The following CPE variants were observed in gnomAD, a reference collection of about 807,000 sequenced individuals.
CPE encodes the protein carbocypeptidase E.
In CPE, 17 loss-of-function variants were observed where a neutral mutation model predicts 53.5. The observed-to-expected ratio is 0.32, with a 90% CI of 0.22 to 0.48. The LOEUF (loss-of-function observed/expected upper bound fraction) is 0.48. Ranked by LOEUF, CPE falls within the 20% of genes least tolerant of loss-of-function variation. CPE has a pLI of 0.99. For synonymous variants in CPE, 226 were observed against 228.8 expected (o/e 0.99, Z 0.11); for missense variants, 524 against 614.7 (o/e 0.85, Z 1.56).
At chr4:165,465,755 GAAGACTAT>G (rs1732086566) in intron 2 of CPE, among the ~76,000 whole-genome samples, 1 of 152,052 alleles carries the variant, frequency 6.6e-6, no homozygotes, top group Non-Finnish European at 1.5e-5. Context: ...ATTTTTTCAT[GAAGACTAT>G]AAGAGGGAGA....
intron 6 of CPE, among the ~76,000 whole-genome samples, chr4:165,492,403 A>G (rs1202476082): frequency 1.3e-5 from 2 of 152,208 alleles, no homozygotes; most frequent in African/African-American, 4.8e-5. Flanking sequence ...GAAAGAGAGT[A>G]AGTTATGAAA....
intron 1 of CPE, among the ~76,000 whole-genome samples, chr4:165,393,883 A>C (rs34736261): frequency 6.6e-6 from 1 of 152,216 alleles, no homozygotes; most frequent in Non-Finnish European, 1.5e-5. Context: ...ACTCCAGCAC[A>C]CTGTAAGTAC....
At chr4:165,484,280 A>T in intron 4 of CPE, 142 bp from the exon 5 acceptor site, 1 of 754,132 alleles carries the variant, frequency 1.3e-6, no homozygotes, top group Non-Finnish European at 2.1e-6. Flanking sequence ...TTTAGTATTT[A>T]AATTTTACCT....
chr4:165,446,448 A>T (rs1731716042), intron 1 of CPE, among the ~76,000 whole-genome samples: 1 of 152,228 alleles, frequency 6.6e-6, no homozygotes, highest in Non-Finnish European at 1.5e-5. Context: ...AAATGTATGA[A>T]AAATGTTTAA....
chr4:165,431,481 T>C (rs1731408193), intron 1 of CPE, among the ~76,000 whole-genome samples: 1 of 152,210 alleles, frequency 6.6e-6, no homozygotes, highest in South Asian at 2.1e-4. Flanking sequence ...AGTTTCCATA[T>C]AGACTCTCAC....
intron 1 of CPE, among the ~76,000 whole-genome samples, chr4:165,396,117 A>T (rs1471370468): frequency 2.6e-5 from 4 of 152,232 alleles, no homozygotes; most frequent in African/African-American, 9.6e-5. Flanking sequence ...CCATTTAAAA[A>T]TACTTTTTAG....
chr4:165,474,254 C>G (rs1732257985), intron 3 of CPE, among the ~76,000 whole-genome samples: 1 of 152,190 alleles, frequency 6.6e-6, no homozygotes. Flanking sequence ...GGGTTTCCTG[C>G]ATAAGGGCAA....
intron 7 of CPE, among the ~76,000 whole-genome samples, chr4:165,494,334 T>G (rs1222350034): frequency 6.6e-6 from 1 of 152,192 alleles, no homozygotes; most frequent in Non-Finnish European, 1.5e-5. Flanking sequence ...AAATCTAACC[T>G]AGGGAATAAA....
Position 165,467,682 on chromosome 4 carries a change from T to C in CPE, c.505-6T>C. ...TGATTTTTCTCTTTGACTTTTTTTT[T>C]TTTAGCCTGGTGAACTCAAGGACTG... is the stretch of plus-strand genomic sequence containing the variant. On this transcript the variant is annotated splice_polypyrimidine_tract_variant and splice_region_variant and intron_variant, in intron 2 of 8. Transcript: ENST00000402744. 1 of 1,571,720 alleles carries C rather than the reference T, an allele frequency of 6.4e-7. No homozygotes were observed. Among genetic ancestry groups the C allele is most frequent in the Non-Finnish European group, 8.6e-7 (1 of 1,165,632 alleles).
chr4:165,440,339 C>G (rs983520056), intron 1 of CPE, among the ~76,000 whole-genome samples: 1 of 152,052 alleles, frequency 6.6e-6, no homozygotes, highest in Admixed American at 6.6e-5. Context: ...AACTGAGCCC[C>G]TTGTAATATA....
intron 5 of CPE, 29 bp from the exon 6 acceptor site, chr4:165,487,409 T>C (rs1560896820): frequency 6.2e-7 from 1 of 1,612,670 alleles, no homozygotes. Context: ...CTTGTGCATA[T>C]TTTGACTTTC....
chr4:165,440,896 G>A (rs1027983736), intron 1 of CPE, among the ~76,000 whole-genome samples: 2 of 151,992 alleles, frequency 1.3e-5, no homozygotes, highest in Non-Finnish European at 2.9e-5. Context: ...AGCAAATGCC[G>A]GTGTGGTATG....
intron 1 of CPE, among the ~76,000 whole-genome samples, chr4:165,389,327 T>C (rs1730644252): frequency 6.6e-6 from 1 of 152,234 alleles, no homozygotes; most frequent in African/African-American, 2.4e-5. Flanking sequence ...ATCTATAAAA[T>C]AGCCCTTGTT....
chr4:165,447,571 T>TA (rs35694424), intron 1 of CPE, among the ~76,000 whole-genome samples: 3,585 of 145,766 alleles, frequency 0.025, 140 homozygotes, highest in African/African-American at 0.083. Flanking sequence ...ACTCTGTCTT[T>TA]AAAAAAAAAA....
intron 1 of CPE, among the ~76,000 whole-genome samples, chr4:165,391,514 A>C (rs1730679564): frequency 6.6e-6 from 1 of 152,136 alleles, no homozygotes; most frequent in Admixed American, 6.6e-5. Context: ...AAATCATCCT[A>C]ATTGGACAGA....
intron 3 of CPE, among the ~76,000 whole-genome samples, chr4:165,470,703 G>A (rs1732189934): frequency 6.6e-6 from 1 of 152,104 alleles, no homozygotes; most frequent in African/African-American, 2.4e-5. Flanking sequence ...GCTCATGTCT[G>A]ACTACCTACC....
intron 1 of CPE, among the ~76,000 whole-genome samples, chr4:165,452,341 C>T (rs1731827236): frequency 6.6e-6 from 1 of 152,082 alleles, no homozygotes; most frequent in Admixed American, 6.5e-5. Context: ...TGATGGATAT[C>T]CTAGTTACCC....
chr4:165,399,424 G>C (rs1483682482), intron 1 of CPE, among the ~76,000 whole-genome samples: 3 of 152,106 alleles, frequency 2.0e-5, no homozygotes, highest in Non-Finnish European at 4.4e-5. Flanking sequence ...GAGTGCAGTG[G>C]CACGATCTCG....
intron 1 of CPE, among the ~76,000 whole-genome samples, chr4:165,451,742 G>A (rs1207558405): frequency 1.3e-5 from 2 of 151,860 alleles, no homozygotes; most frequent in South Asian, 2.1e-4. Context: ...CACCCGCCTC[G>A]GCCTCCCAAA....
Sources: allele counts gnomAD v4.1 joint callset (sites outside exome capture counted in the v4.1 genomes callset), GRCh38; gene constraint gnomAD v4.1.1; transcripts MANE v1.5; gene names NCBI Gene and HGNC (gene_info 2026-07-23, HGNC 2026-07-21).